Variants in DLG2 observed in about 807,000 individuals in gnomAD.
DLG2 encodes disks large homolog 2.
DLG2 carries 45 observed loss-of-function variants against 132.5 expected under a neutral mutation model. The ratio of observed to expected loss-of-function variants is 0.34; its 90% confidence interval spans 0.27 to 0.44. The LOEUF (loss-of-function observed/expected upper bound fraction) is 0.44. Among genes scored for constraint, DLG2 ranks in the 20% least tolerant of loss-of-function variants. DLG2 has a pLI of 1.00. For missense variants in DLG2, 1,045 were observed against 1,196.9 expected (o/e 0.87, Z 1.87); for synonymous variants, 424 against 419.6 (o/e 1.01, Z -0.13).
intron 6 of DLG2, among the ~76,000 whole-genome samples, chr11:84,743,666 T>C (rs768036830): frequency 2.0e-4 from 31 of 152,102 alleles, no homozygotes; most frequent in Non-Finnish European, 3.7e-4. Context: ...TAATTTGCTA[T>C]ATGGATAAGT....
At chr11:84,781,710 T>C (rs2071809755) in intron 6 of DLG2, among the ~76,000 whole-genome samples, 1 of 152,140 alleles carries the variant, frequency 6.6e-6, no homozygotes, top group African/African-American at 2.4e-5. Context: ...ACAAAAATGA[T>C]TTTAAAGAAT....
chr11:85,029,192 CT>C (rs11374561), intron 6 of DLG2, among the ~76,000 whole-genome samples: 28 of 148,206 alleles, frequency 1.9e-4, no homozygotes, highest in Non-Finnish European at 2.4e-4. Context: ...AGTTACCACT[CT>C]TTTTTTTTTT....
At chr11:83,938,974 C>A (rs1320027387) in intron 14 of DLG2, among the ~76,000 whole-genome samples, 1 of 152,166 alleles carries the variant, frequency 6.6e-6, no homozygotes, top group Non-Finnish European at 1.5e-5. Flanking sequence ...ATACTTTCTA[C>A]CTGATAGCTT....
chr11:84,442,720 A>C (rs562130514), intron 7 of DLG2, among the ~76,000 whole-genome samples: 133 of 151,854 alleles, frequency 8.8e-4, no homozygotes, highest in Non-Finnish European at 1.5e-3. Flanking sequence ...GAAAGAAAGA[A>C]AGAAAGAAAG....
At chr11:83,677,517 T>C (rs2077951931) in intron 18 of DLG2, among the ~76,000 whole-genome samples, 1 of 152,194 alleles carries the variant, frequency 6.6e-6, no homozygotes. Flanking sequence ...ACCTGCTTTA[T>C]AGCTAAGGAA....
At chr11:84,250,226 G>A (rs951361832) in intron 8 of DLG2, among the ~76,000 whole-genome samples, 3 of 152,126 alleles carry the variant, frequency 2.0e-5, no homozygotes, top group African/African-American at 7.2e-5. Context: ...ATTCCAAGTG[G>A]CAGTTGCTCT....
chr11:85,467,162 A>G (rs1322214412), intron 3 of DLG2, among the ~76,000 whole-genome samples: 1 of 152,196 alleles, frequency 6.6e-6, no homozygotes, highest in Admixed American at 6.6e-5. Flanking sequence ...TTGATTTTGT[A>G]TCCTGAGACT....
At chr11:84,600,243 GC>G (rs2099573915) in intron 6 of DLG2, among the ~76,000 whole-genome samples, 1 of 99,414 alleles carries the variant, frequency 1.0e-5, no homozygotes, top group Admixed American at 8.6e-5. Flanking sequence ...AGACAGAAAA[GC>G]AAGCAAGCAA....
At chr11:84,611,058 C>CACACAT (rs2099594730) in intron 6 of DLG2, among the ~76,000 whole-genome samples, 2 of 151,528 alleles carry the variant, frequency 1.3e-5, no homozygotes, top group South Asian at 4.2e-4. Context: ...CACACACACA[C>CACACAT]ACACACACTA....
At chr11:84,618,115 T>A (rs1354767926) in intron 6 of DLG2, among the ~76,000 whole-genome samples, 1 of 152,028 alleles carries the variant, frequency 6.6e-6, no homozygotes, top group African/African-American at 2.4e-5. Context: ...AAAGAGTCTT[T>A]AAAAAGTGTG....
intron 3 of DLG2, among the ~76,000 whole-genome samples, chr11:85,474,677 T>C (rs1047742422): frequency 6.6e-6 from 1 of 151,924 alleles, no homozygotes; most frequent in African/African-American, 2.4e-5. Context: ...TCTCTATCTA[T>C]GCAGTCAAAT....
At chr11:84,289,925 C>T (rs1240696075) in intron 7 of DLG2, among the ~76,000 whole-genome samples, 2 of 152,018 alleles carry the variant, frequency 1.3e-5, no homozygotes, top group African/African-American at 4.8e-5. Flanking sequence ...AAGTAGTAAC[C>T]AGATCCAGAA....
At chr11:85,397,793 C>A (rs1159249659) in intron 3 of DLG2, among the ~76,000 whole-genome samples, 1 of 152,074 alleles carries the variant, frequency 6.6e-6, no homozygotes, top group Non-Finnish European at 1.5e-5. Flanking sequence ...CATCAGAGAC[C>A]TACAAAGAGT....
Position 84,150,322 on chromosome 11 carries a change from A to G in DLG2, c.624+13139T>C, listed in dbSNP as rs185432814. Among the ~76,000 whole-genome samples, 10 of 152,134 alleles carry G rather than the reference A, an allele frequency of 6.6e-5. No homozygotes were observed. In the East Asian group the frequency reaches 1.7e-3, roughly 27 times the overall value. ...GTTTTTAAATCTTTTTGTGGCTACT[A>G]CTGTATCCTGCTGTAAATAGGATTG... On this transcript the variant is annotated intron_variant, in intron 9 of 27. Coordinates refer to ENST00000376104, the MANE Select transcript of DLG2 (RefSeq NM_001142699.3).
chr11:83,575,943 C>A (rs972965672), intron 19 of DLG2, among the ~76,000 whole-genome samples: 6 of 151,730 alleles, frequency 4.0e-5, no homozygotes, highest in African/African-American at 1.5e-4. Flanking sequence ...AAAAAATAAC[C>A]AATCAAAACG....
At chr11:84,750,148 T>C (rs1203278781) in intron 6 of DLG2, among the ~76,000 whole-genome samples, 1 of 152,188 alleles carries the variant, frequency 6.6e-6, no homozygotes, top group Non-Finnish European at 1.5e-5. Flanking sequence ...CTTTGCTCTG[T>C]ACTTTTTTTT....
At chr11:83,691,184 G>A (rs2080931297) in intron 18 of DLG2, among the ~76,000 whole-genome samples, 2 of 152,074 alleles carry the variant, frequency 1.3e-5, no homozygotes, top group African/African-American at 4.8e-5. Flanking sequence ...AGAATCAGAG[G>A]TTTTTAGGAT....
At chr11:85,147,208 A>G (rs189273423) in intron 5 of DLG2, among the ~76,000 whole-genome samples, 1 of 152,278 alleles carries the variant, frequency 6.6e-6, no homozygotes, top group East Asian at 1.9e-4. Flanking sequence ...GTTCTTATGA[A>G]GGTGCTTTCT....
chr11:84,368,493 A>G (rs2098693145), intron 7 of DLG2, among the ~76,000 whole-genome samples: 1 of 152,100 alleles, frequency 6.6e-6, no homozygotes, highest in Admixed American at 6.6e-5. Context: ...TCAAGTAAAC[A>G]TGTCCTCTAT....
Sources: allele counts gnomAD v4.1 joint callset (sites outside exome capture counted in the v4.1 genomes callset), GRCh38; gene constraint gnomAD v4.1.1; transcripts MANE v1.5; gene names NCBI Gene and HGNC (gene_info 2026-07-23, HGNC 2026-07-21).